The following ULK1 variants were observed in gnomAD, a reference collection of about 807,000 sequenced individuals.
The protein encoded by ULK1 is serine/threonine-protein kinase ULK1.
In ULK1, 48 loss-of-function variants were observed where a neutral mutation model predicts 117.5. The observed-to-expected ratio is 0.41, with a 90% CI of 0.32 to 0.52. The LOEUF is 0.52. Among genes scored for constraint, ULK1 ranks in the 20% least tolerant of loss-of-function variants. ULK1 has a pLI of 0.29. For missense variants in ULK1, 1,387 were observed against 1,473.4 expected, an observed-to-expected ratio of 0.94 and a Z score of 0.96; for synonymous variants, 790 against 637.8, an observed-to-expected ratio of 1.24 and a Z score of -3.60.
In ULK1 at chr12:131,916,569, G is replaced by T. The variant is rs775323510; in HGVS notation, c.2050G>T (p.Asp684Tyr). The change falls in exon 20 of 28, where the codon GAC becomes TAC. Residue 684 changes from aspartate to tyrosine, a missense_variant. By Grantham distance (160) the Asp-to-Tyr change is radical. Coordinates refer to ENST00000321867, the MANE Select transcript of ULK1 (RefSeq NM_003565.4). ...GGGCCCTGGCCTGCGGCCAGGCGAG[G>T]ACCCCAAGGGCCCCTTTGGCCGGTG... ...PLGPGLRPGE[D>Y]PKGPFGRSFS... The T allele has an allele frequency of 1.3e-6, 2 of 1,589,274 alleles. No homozygotes were observed. The highest frequency in any genetic ancestry group is 4.5e-5 in the East Asian group (2 of 44,598).
In ULK1 at chr12:131,916,601, G is replaced by A; in HGVS notation, c.2072+10G>A. 6.4e-7 allele frequency: 1 copy of A among 1,566,398 alleles called. No individual in the cohort carries two copies. The highest frequency in any genetic ancestry group is 8.6e-7 in the Non-Finnish European group (1 of 1,163,058). On this transcript the variant is annotated intron_variant, in intron 20 of 27. Coordinates refer to ENST00000321867, the MANE Select transcript of ULK1 (RefSeq NM_003565.4). Reference sequence around the variant, plus strand: ...AGGGCCCCTTTGGCCGGTGAGTTGAGGGGACAGGCCTTGGACGGGCTTCTG... The same window carrying A: ...AGGGCCCCTTTGGCCGGTGAGTTGAAGGGACAGGCCTTGGACGGGCTTCTG...
At chr12:131,896,508 A>G (rs1009171932) in intron 3 of ULK1, 1 of 152,910 alleles carries the variant, frequency 6.5e-6, no homozygotes, top group African/African-American at 2.4e-5. Context: ...TGGCTCTGTG[A>G]CCTGTTTACT....
chr12:131,907,018 G>T, intron 4 of ULK1, 94 bp downstream of exon 4: 1 of 1,549,038 alleles, frequency 6.5e-7, no homozygotes. Flanking sequence ...AGGGTGATGA[G>T]CACCTTTTCT....
chr12:131,905,451 C>A (rs1889237207), intron 3 of ULK1, among the ~76,000 whole-genome samples: 1 of 152,146 alleles, frequency 6.6e-6, no homozygotes, highest in Non-Finnish European at 1.5e-5. Flanking sequence ...CCCCTCCAGA[C>A]ACGGCTCCCC....
At chr12:131,910,444 G>T in intron 11 of ULK1, 140 bp downstream of exon 11, 1 of 1,384,064 alleles carries the variant, frequency 7.2e-7, no homozygotes, top group South Asian at 1.2e-5. Context: ...CAGGACACCC[G>T]GCTCCTTGCT....
chr12:131,904,218 G>A (rs954343804), intron 3 of ULK1, among the ~76,000 whole-genome samples: 2 of 152,152 alleles, frequency 1.3e-5, no homozygotes, highest in Admixed American at 6.5e-5. Flanking sequence ...ACGATCTCCC[G>A]GCTCACTGTA....
rs376729575 is a variant in ULK1 at position 131,910,811 on chromosome 12, G to T, written c.948+11G>T. On this transcript the variant is annotated intron_variant, in intron 12 of 27. Coordinates refer to ENST00000321867, the MANE Select transcript of ULK1 (RefSeq NM_003565.4). ...CTGGCCTCCCCGCCGGTGAGTTGCCGCCCCAGGGGCTTGGCAGCTTCTCCC... is the reference window on the plus strand; with the variant it reads ...CTGGCCTCCCCGCCGGTGAGTTGCCTCCCCAGGGGCTTGGCAGCTTCTCCC... 1.9e-6 allele frequency: 3 copies of T among 1,611,884 alleles called. No homozygotes were observed. The African/African-American group carries it at 4.0e-5, about 22-fold the overall frequency.
intron 23 of ULK1, among the ~76,000 whole-genome samples, chr12:131,918,957 G>GT (rs1890017161): frequency 2.9e-5 from 2 of 67,952 alleles, no homozygotes; most frequent in South Asian, 6.2e-4. Context: ...TGGGGTGCAG[G>GT]GTGTGGGGTG....
intron 3 of ULK1, among the ~76,000 whole-genome samples, chr12:131,899,119 G>A (rs1016511583): frequency 2.6e-5 from 4 of 151,528 alleles, no homozygotes; most frequent in African/African-American, 4.9e-5. Context: ...CCTCACCTTC[G>A]ACCTCCCAAA....
rs778684116 is a variant in ULK1, at chr12:131,909,903, C to T, written c.726-16C>T. 7 of 1,611,638 alleles carry T rather than the reference C, an allele frequency of 4.3e-6. No homozygotes were observed. Among genetic ancestry groups the T allele is most frequent in the Non-Finnish European group, 4.2e-6 (5 of 1,179,548 alleles). ...GCCCCGCAGGCCCTGCTCACACCAG[C>T]CTCCTCTTGCCCCAGCATCCCCCGG... On this transcript the variant is annotated splice_polypyrimidine_tract_variant and intron_variant, in intron 9 of 27. Coordinates refer to ENST00000321867, the MANE Select transcript of ULK1 (RefSeq NM_003565.4).
Position 131,913,752 on chromosome 12 carries a change from C to T in ULK1, c.1163C>T (p.Ser388Leu). The T allele has an allele frequency of 2.6e-6, 4 of 1,536,432 alleles. No homozygotes were observed. The highest frequency in any genetic ancestry group is 1.2e-5 in the South Asian group (1 of 81,794). ...PPDSLMCSGSSLVASAGLESH... is the reference protein window; with the variant it reads ...PPDSLMCSGSLLVASAGLESH... ...GCCTCCCTTCTGCCCCACAGGAGCT[C>T]ACTGGTGGCCTCTGCGGGCTTGGAG... The change falls in exon 15 of 28, where the codon TCA becomes TTA. Residue 388 changes from serine (S) to leucine (L), a missense_variant. Transcript: ENST00000321867.
rs905686474 is a variant in ULK1 at position 131,905,985 on chromosome 12, G to A, written c.247-907G>A. Among the ~76,000 whole-genome samples the A allele has an allele frequency of 3.3e-5, 5 of 152,262 alleles. No individual in the cohort carries two copies. The East Asian group carries it at 7.7e-4, about 23-fold the overall frequency. Reference sequence around the variant, plus strand: ...GGGGGTGGCTGAGACGCCTCTGACCGAAGGCATTGGGGCGAGGGATGGCAG... The same window carrying A: ...GGGGGTGGCTGAGACGCCTCTGACCAAAGGCATTGGGGCGAGGGATGGCAG... On this transcript the variant is annotated intron_variant, in intron 3 of 27. Transcript: ENST00000321867.
chr12:131,914,371 A>G lies in ULK1; in HGVS notation c.1267A>G (p.Ser423Gly). Residue 423 changes from serine to glycine, a missense_variant, in exon 16 of 28, where the codon AGC becomes GGC. Transcript: ENST00000321867. The part of the protein sequence containing the change: ...SPSGRAGPFS[S>G]SRCGASVPIP... ...CCACAGCCGGGCTGGCCCGTTCTCC[A>G]GCAGCAGGTGCGGCGCCTCTGTCCC... is the stretch of plus-strand genomic sequence containing the variant. 1 of 1,611,824 alleles carries G rather than the reference A, an allele frequency of 6.2e-7. No individual in the cohort carries two copies. Among genetic ancestry groups the G allele is most frequent in the Non-Finnish European group, 8.5e-7 (1 of 1,179,930 alleles).
intron 18 of ULK1, 82 bp from the exon 19 acceptor site, chr12:131,915,809 C>A (rs571574993): frequency 1.0e-4 from 159 of 1,574,618 alleles, no homozygotes; most frequent in Non-Finnish European, 1.3e-4. Flanking sequence ...GCGTCTACCC[C>A]AAGGGGCTCC....
chr12:131,920,957 G>C (rs1890124717), intron 26 of ULK1, 143 bp from the exon 27 acceptor site: 6 of 1,189,110 alleles, frequency 5.0e-6, no homozygotes, highest in Non-Finnish European at 6.9e-6. Flanking sequence ...CTGCACAGCA[G>C]GCTGCACCAG....
intron 15 of ULK1, 26 bp from the exon 16 acceptor site, chr12:131,914,326 A>G (rs1437384508): frequency 6.2e-7 from 1 of 1,604,770 alleles, no homozygotes; most frequent in African/African-American, 1.3e-5. Flanking sequence ...AGTGTCTGTC[A>G]TGATCCTGAC....
In ULK1 at chr12:131,922,064, G is replaced by C. The variant is rs773369303; in HGVS notation, c.*703G>C. ...GGCAGAGGCAGTTCTTTGTTCAAGC[G>C]TTCCTCTGGGGACCGGCAGCAGAGG... is the stretch of plus-strand genomic sequence containing the variant. On this transcript the variant is annotated 3_prime_UTR_variant, in exon 28 of 28. Coordinates refer to ENST00000321867, the MANE Select transcript of ULK1 (RefSeq NM_003565.4). 1.1e-5 allele frequency: 5 copies of C among 453,008 alleles called. No homozygotes were observed. The highest frequency in any genetic ancestry group is 1.8e-5 in the Non-Finnish European group (4 of 224,474). The allele number at this position is 453,008 out of a possible 1,614,324, so 28.1% of individuals were successfully genotyped here.
At chr12:131,914,976 G>T in intron 16 of ULK1, 107 bp from the exon 17 acceptor site, 1 of 1,460,534 alleles carries the variant, frequency 6.8e-7, no homozygotes, top group Middle Eastern at 1.9e-4. Flanking sequence ...GTCCTGGGCT[G>T]CTGGGGCCTC....
intron 25 of ULK1, 93 bp downstream of exon 25, chr12:131,919,683 G>C: frequency 7.0e-7 from 1 of 1,420,374 alleles, no homozygotes; most frequent in Non-Finnish European, 9.7e-7. Flanking sequence ...GAGGCTGCTT[G>C]AGTAGGCCCC....
Sources: allele counts gnomAD v4.1 joint callset (sites outside exome capture counted in the v4.1 genomes callset), GRCh38; gene constraint gnomAD v4.1.1; transcripts MANE v1.5; gene names NCBI Gene and HGNC (gene_info 2026-07-23, HGNC 2026-07-21).